Variants in AMZ1 observed in about 807,000 individuals in gnomAD.
AMZ1 encodes the protein archaelysin family metallopeptidase 1, also known as archaemetzincin-1.
In AMZ1, 39 loss-of-function variants were observed where a neutral mutation model predicts 29.9. The observed-to-expected ratio is 1.30, with a 90% CI of 1.01 to 1.70. AMZ1 has a LOEUF of 1.70. Among genes scored for constraint, AMZ1 ranks in the 40% most tolerant of loss-of-function variants. The pLI, the probability that AMZ1 is intolerant of heterozygous loss-of-function variation, is 0.00. For synonymous variants in AMZ1, 458 were observed against 304.0 expected, an observed-to-expected ratio of 1.51 and a Z score of -5.27; for missense variants, 1,041 against 680.6, an observed-to-expected ratio of 1.53 and a Z score of -5.89.
chr7:2,734,992 C>A (rs1376687920), intron 4 of AMZ1, among the ~76,000 whole-genome samples: 1 of 152,212 alleles, frequency 6.6e-6, no homozygotes, highest in African/African-American at 2.4e-5. Flanking sequence ...GGGAAGCCAG[C>A]GTGAGGCCGG....
chr7:2,705,449 C>T (rs1003918275), intron 3 of AMZ1, among the ~76,000 whole-genome samples: 3 of 152,190 alleles, frequency 2.0e-5, no homozygotes, highest in Non-Finnish European at 2.9e-5. Context: ...TCTTGACACA[C>T]GCATACATCA....
chr7:2,756,086 G>A (rs920982677), intron 4 of AMZ1, among the ~76,000 whole-genome samples: 3 of 152,002 alleles, frequency 2.0e-5, no homozygotes, highest in Admixed American at 1.3e-4. Flanking sequence ...GTTTATCATC[G>A]GCAAAAGAAA....
intron 4 of AMZ1, among the ~76,000 whole-genome samples, chr7:2,740,913 C>T (rs1206062819): frequency 1.3e-5 from 2 of 152,232 alleles, no homozygotes; most frequent in Non-Finnish European, 1.5e-5. Context: ...GGCGTGGTGG[C>T]AGGTGCCTGT....
At position 2,716,613 on chromosome 7, in the gene AMZ1, C is replaced by T. The variant is rs920084539; in HGVS notation, c.*3735C>T. 1 of 152,188 alleles carries T rather than the reference C, an allele frequency of 6.6e-6. No individual in the cohort carries two copies. The highest frequency in any genetic ancestry group is 1.5e-5 in the Non-Finnish European group (1 of 68,028). 9.4% of individuals were successfully genotyped at this position (152,188 alleles called of 1,614,324 possible). A position where few individuals can be genotyped will look rare whatever the true frequency, so the allele number is the denominator to read the frequency against. ...CTAGAACATTCCAGGGACACACCTA[C>T]ACGCAGAGGGTCTCCATACAGTGCC... On this transcript the variant is annotated 3_prime_UTR_variant, in exon 7 of 7. Transcript: ENST00000683327.
chr7:2,729,354 C>T (rs747258901), intron 4 of AMZ1: 9 of 152,492 alleles, frequency 5.9e-5, no homozygotes, highest in Admixed American at 2.0e-4. Context: ...TCCTTTAAAA[C>T]GTGGTCATCG....
chr7:2,713,118 T>C lies in AMZ1; in HGVS notation c.*240T>C. On this transcript the variant is annotated 3_prime_UTR_variant, in exon 7 of 7. Transcript: ENST00000683327. ...TTAGCTGGATGAAGTGGTTCATGCC[T>C]GTGTTCCCAGCTATTCAGGAGGCTG... 1 of 385,562 alleles carries C rather than the reference T, an allele frequency of 2.6e-6. No homozygotes were observed. The highest frequency in any genetic ancestry group is 4.5e-6 in the Non-Finnish European group (1 of 221,138). The allele number at this position is 385,562 out of a possible 1,614,324, so 23.9% of individuals were successfully genotyped here.
intron 1 of AMZ1, among the ~76,000 whole-genome samples, chr7:2,695,504 C>T (rs938367712): frequency 6.6e-6 from 1 of 151,462 alleles, no homozygotes; most frequent in Admixed American, 6.6e-5. Flanking sequence ...ATTGCTTGAG[C>T]CTCGGAGTTC....
chr7:2,722,271 C>G (rs769529529), downstream of AMZ1, among the ~76,000 whole-genome samples: 58 of 143,216 alleles, frequency 4.0e-4, no homozygotes, highest in Non-Finnish European at 7.4e-4. Context: ...AAGGGCATTT[C>G]GAATTTTTTT....
intron 6 of AMZ1, among the ~76,000 whole-genome samples, chr7:2,712,025 C>T (rs1022052207): frequency 2.2e-4 from 33 of 150,806 alleles, no homozygotes; most frequent in African/African-American, 6.9e-4. Flanking sequence ...CCAGCCTGGC[C>T]AACAGAGTGA....
chr7:2,761,375 C>T (rs1791547092), upstream of AMZ1, among the ~76,000 whole-genome samples: 2 of 152,332 alleles, frequency 1.3e-5, no homozygotes, highest in East Asian at 1.9e-4. Context: ...CTGTGATTTC[C>T]CTGAAACCAG....
At chr7:2,728,263 C>CA (rs779305266) in intron 4 of AMZ1, 8 of 152,346 alleles carry the variant, frequency 5.3e-5, no homozygotes, top group Non-Finnish European at 1.2e-4. Flanking sequence ...ATGGGAGCCT[C>CA]TGCCTTACAA....
chr7:2,742,233 A>G (rs1488622052), intron 4 of AMZ1, among the ~76,000 whole-genome samples: 1 of 151,976 alleles, frequency 6.6e-6, no homozygotes, highest in Non-Finnish European at 1.5e-5. Context: ...CATTTTGGCC[A>G]GGCTGGTCTT....
chr7:2,695,118 G>C (rs1359633872), intron 1 of AMZ1, among the ~76,000 whole-genome samples: 1 of 152,170 alleles, frequency 6.6e-6, no homozygotes, highest in East Asian at 1.9e-4. Context: ...TCCTTGCTCA[G>C]CCTCTGGCCC....
At chr7:2,704,015 C>T (rs1049395280) in intron 3 of AMZ1, among the ~76,000 whole-genome samples, 5 of 152,074 alleles carry the variant, frequency 3.3e-5, no homozygotes, top group South Asian at 2.1e-4. Context: ...CAGCCTCCCG[C>T]GTAGCTGGGA....
chr7:2,709,929 C>T, intron 6 of AMZ1, 113 bp downstream of exon 6: 3 of 1,446,306 alleles, frequency 2.1e-6, no homozygotes, highest in Admixed American at 2.2e-5. Flanking sequence ...TTGTCAACTG[C>T]CGGGTTCCAG....
intron 1 of AMZ1, among the ~76,000 whole-genome samples, chr7:2,696,602 T>A: frequency 6.6e-6 from 1 of 150,794 alleles, no homozygotes; most frequent in East Asian, 2.0e-4. Flanking sequence ...CTTCCAGGGC[T>A]GGCCGGGCAC....
chr7:2,762,776 G>C (rs1021782863), upstream of AMZ1: 1 of 1,546,174 alleles, frequency 6.5e-7, no homozygotes, highest in East Asian at 2.5e-5. Flanking sequence ...TTCCACCCAG[G>C]CTGTACAAAA....
chr7:2,682,971 A>G (rs1237199450), intron 1 of AMZ1, among the ~76,000 whole-genome samples: 1 of 152,084 alleles, frequency 6.6e-6, no homozygotes, highest in African/African-American at 2.4e-5. Context: ...TCCCCACAGC[A>G]CTGTCTGCCT....
At chr7:2,749,441 C>T (rs1000987511) in intron 4 of AMZ1, among the ~76,000 whole-genome samples, 1 of 145,888 alleles carries the variant, frequency 6.9e-6, no homozygotes, top group Non-Finnish European at 1.5e-5. Flanking sequence ...TGTTCTCACT[C>T]ATAGGTGGGA....
Sources: gnomAD v4.1 joint callset for allele counts (sites outside exome capture counted in the v4.1 genomes callset) on GRCh38, gnomAD v4.1.1 for gene constraint, MANE v1.5 for transcripts, NCBI Gene and HGNC (gene_info 2026-07-23, HGNC 2026-07-21) for gene names.